EP400: variants seen among roughly 807,000 people sequenced by gnomAD.
EP400 encodes the protein E1A-binding protein p400.
A neutral mutation model predicts 354.1 loss-of-function variants in EP400; 105 were observed. The observed-to-expected ratio is 0.30, with a 90% CI of 0.25 to 0.35. The LOEUF is 0.35. EP400 is among the 10% of genes least tolerant of loss of function. EP400 has a pLI of 1.00. For missense variants in EP400, 3,280 were observed against 4,121.0 expected, an observed-to-expected ratio of 0.80 and a Z score of 5.59; for synonymous variants, 1,646 against 1,716.9, an observed-to-expected ratio of 0.96 and a Z score of 1.02.
Position 132,013,550 on chromosome 12 carries a change from C to T in EP400, c.3672C>T (p.Thr1224=). The T allele has an allele frequency of 6.2e-7, 1 of 1,612,216 alleles. No individual in the cohort carries two copies. Among genetic ancestry groups the T allele is most frequent in the Non-Finnish European group, 8.5e-7 (1 of 1,179,196 alleles). Residue 1224 remains threonine, a synonymous_variant, in exon 18 of 53, where the codon ACC becomes ACT. Transcript: ENST00000389561. This position sits in a 1 kb window ranked among gnomAD's most constrained non-coding sequence, Gnocchi z 4.5. Reference sequence around the variant, plus strand: ...ACAATACCTTCCTGGAGCTCTGGACCATGGTGCACTTCCTGGTCCCAGGGA... The same window carrying T: ...ACAATACCTTCCTGGAGCTCTGGACTATGGTGCACTTCCTGGTCCCAGGGA... ...PLHNTFLELW[T]MVHFLVPGIS...
intron 19 of EP400, among the ~76,000 whole-genome samples, chr12:132,016,909 C>T (rs1893957641): frequency 6.6e-6 from 1 of 152,182 alleles, no homozygotes; most frequent in African/African-American, 2.4e-5. Flanking sequence ...CCATCTCCTT[C>T]CTGAGTCTCT....
rs375101558 is a variant in EP400 at position 132,044,794 on chromosome 12, A to T, written c.6631-6A>T. 4 of 1,613,852 alleles carry T rather than the reference A, an allele frequency of 2.5e-6. No individual in the cohort carries two copies. Among genetic ancestry groups the T allele is most frequent in the Non-Finnish European group, 3.4e-6 (4 of 1,179,976 alleles). On this transcript the variant is annotated splice_polypyrimidine_tract_variant and splice_region_variant and intron_variant, in intron 36 of 52. Transcript: ENST00000389561. ...ACATCTCATGGGCCTTCCCTTCTCC[A>T]TGCAGCTCTGGACCCCACCCACCCC...
At chr12:132,040,997 G>T (rs1395670448) in intron 32 of EP400, among the ~76,000 whole-genome samples, 1 of 152,210 alleles carries the variant, frequency 6.6e-6, no homozygotes, top group Non-Finnish European at 1.5e-5. Flanking sequence ...GGGGACATGT[G>T]GGGGCAGCAG....
At position 132,024,358 on chromosome 12, in the gene EP400, C is replaced by G. The variant is rs118007785; in HGVS notation, c.4855+417C>G. On this transcript the variant is annotated intron_variant, in intron 24 of 52. Coordinates refer to ENST00000389561, the MANE Select transcript of EP400 (RefSeq NM_015409.5). ...ACTGCACTCCAGCCTGGGTCACAGACTGAGACCCCATCTCTAAGTAATAGA... is the reference window on the plus strand; with the variant it reads ...ACTGCACTCCAGCCTGGGTCACAGAGTGAGACCCCATCTCTAAGTAATAGA... 7.1e-3 allele frequency among the ~76,000 whole-genome samples: 1,083 copies of G among 152,272 alleles called. 35 individuals carry two copies. The South Asian group carries it at 0.094, about 13-fold the overall frequency.
intron 2 of EP400, among the ~76,000 whole-genome samples, chr12:131,969,045 C>CTT (rs111450529): frequency 2.4e-4 from 34 of 142,182 alleles, no homozygotes; most frequent in Admixed American, 4.2e-4. Context: ...CTTTACTTTT[C>CTT]TTTTTTTTTT....
intron 2 of EP400, among the ~76,000 whole-genome samples, chr12:131,964,756 T>G (rs957677217): frequency 1.3e-5 from 2 of 152,236 alleles, no homozygotes; most frequent in Admixed American, 1.3e-4. Flanking sequence ...CTGTAAATAC[T>G]TCAGCATGTA....
At chr12:132,014,040 G>C in intron 19 of EP400, 127 bp downstream of exon 19, 1 of 1,296,116 alleles carries the variant, frequency 7.7e-7, no homozygotes, top group East Asian at 2.3e-5. Context: ...GGAGACCGAG[G>C]CACCCTCCTG....
chr12:132,059,382 G>C (rs1157857122), intron 45 of EP400, among the ~76,000 whole-genome samples: 1 of 152,076 alleles, frequency 6.6e-6, no homozygotes, highest in Admixed American at 6.5e-5. Context: ...CGGCCCCCGA[G>C]AGGTTGAAAC....
intron 15 of EP400, among the ~76,000 whole-genome samples, chr12:132,008,648 T>G (rs1422007919): frequency 6.6e-6 from 1 of 151,600 alleles, no homozygotes; most frequent in Non-Finnish European, 1.5e-5. Context: ...TGGTGCACCC[T>G]TGGCTCACTG....
In EP400 at chr12:132,043,385, C is replaced by T. The variant is rs776121231; in HGVS notation, c.6289C>T (p.Leu2097=). ...EGVLGPHTDA[L]SSDSENMPCD... Reference sequence around the variant, plus strand: ...GGTGCTGGGACCACACACTGATGCTCTGTCATCAGACTCTGAGAACATGCC... The same window carrying T: ...GGTGCTGGGACCACACACTGATGCTTTGTCATCAGACTCTGAGAACATGCC... The change falls in exon 33 of 53, where the codon CTG becomes TTG. Residue 2097 remains leucine (L), a synonymous_variant. Coordinates refer to ENST00000389561, the MANE Select transcript of EP400 (RefSeq NM_015409.5). 4 of 1,613,938 alleles carry T rather than the reference C, an allele frequency of 2.5e-6. No homozygotes were observed. In the African/African-American group the frequency reaches 4.0e-5, roughly 16 times the overall value.
intron 2 of EP400, among the ~76,000 whole-genome samples, chr12:131,965,003 C>T (rs1892029783): frequency 6.6e-6 from 1 of 152,198 alleles, no homozygotes; most frequent in Non-Finnish European, 1.5e-5. Context: ...TTGGCCTGGG[C>T]CTGGGCGTTA....
At position 132,043,319 on chromosome 12, in the gene EP400, G is replaced by C; in HGVS notation, c.6223G>C (p.Glu2075Gln). 1 of 1,612,392 alleles carries C rather than the reference G, an allele frequency of 6.2e-7. No homozygotes were observed. Among genetic ancestry groups the C allele is most frequent in the Non-Finnish European group, 8.5e-7 (1 of 1,179,580 alleles). The change falls in exon 33 of 53, where the codon GAG becomes CAG. Residue 2075 changes from glutamate to glutamine, a missense_variant. Around this residue, in one of 20 missense-constraint regions of EP400, gnomAD observed 60 missense variants for 109.9 expected, o/e 0.55. Transcript: ENST00000389561. ...CTTTCCTCAGGCCCTCAAGAGTATT[G>C]AGTATCTGGAGGAGGATGCCCAGAA... ...RPFIEALKSI[E>Q]YLEEDAQKSA...
chr12:132,064,091 C>T (rs1332300054), intron 47 of EP400, among the ~76,000 whole-genome samples: 1 of 150,058 alleles, frequency 6.7e-6, no homozygotes, highest in Non-Finnish European at 1.5e-5. Context: ...TGATGACCCC[C>T]CGGCCTACAG....
chr12:131,957,677 C>T (rs746188790), intron 1 of EP400, among the ~76,000 whole-genome samples: 19 of 151,986 alleles, frequency 1.3e-4, no homozygotes, highest in Middle Eastern at 3.2e-3. Flanking sequence ...CTCACTGCAA[C>T]CTCCGCCTCT....
At chr12:132,033,787 C>A (rs747511320) in intron 30 of EP400, among the ~76,000 whole-genome samples, 6 of 152,240 alleles carry the variant, frequency 3.9e-5, no homozygotes, top group Non-Finnish European at 8.8e-5. Flanking sequence ...CCGCCTCAGC[C>A]TCCCAAAATG....
rs891339422 is a variant in EP400, at chr12:131,994,215, G to A, written c.2738-652G>A. Among the ~76,000 whole-genome samples, 18 of 152,110 alleles carry A rather than the reference G, an allele frequency of 1.2e-4. No homozygotes were observed. ...TGAAGAAATGAGGAAGAGTTTTGAT[G>A]GTAGGAAGGGAGAGATGTTATGTTA... On this transcript the variant is annotated intron_variant, in intron 11 of 52. Coordinates refer to ENST00000389561, the MANE Select transcript of EP400 (RefSeq NM_015409.5). This position sits in a 1 kb window ranked among gnomAD's most constrained non-coding sequence, Gnocchi z 4.6.
chr12:131,992,207 G>T lies in EP400; in HGVS notation c.2714G>T (p.Ser905Ile). Residue 905 changes from serine to isoleucine, a missense_variant, in exon 11 of 53, where the codon AGC (serine) becomes ATC (isoleucine). By Grantham distance (142) the Ser-to-Ile change is moderately radical. Transcript: ENST00000389561. ...SGMSGRKRKA[S>I]ISLTDDEVDD... ...ATGTCTGGAAGAAAAAGAAAAGCTA[G>T]CATATCTTTGACTGATGACGAAGGT... is the stretch of plus-strand genomic sequence containing the variant. 6.2e-7 allele frequency: 1 copy of T among 1,610,322 alleles called. No homozygotes were observed.
intron 1 of EP400, among the ~76,000 whole-genome samples, chr12:131,952,480 G>A (rs1207597990): frequency 6.6e-6 from 1 of 151,844 alleles, no homozygotes; most frequent in African/African-American, 2.4e-5. Context: ...TTTTTGTTGT[G>A]GAGACAGGGT....
At chr12:132,020,017 G>C in intron 21 of EP400, 32 bp from the exon 22 acceptor site, 1 of 1,490,372 alleles carries the variant, frequency 6.7e-7, no homozygotes, top group Non-Finnish European at 8.9e-7. Flanking sequence ...CTGATGCTCT[G>C]TATCTTCTTG....
Sources: allele counts gnomAD v4.1 joint callset (sites outside exome capture counted in the v4.1 genomes callset), GRCh38; gene constraint gnomAD v4.1.1; regional missense constraint gnomAD v4.1.1; non-coding constraint Gnocchi (gnomAD v3.1); transcripts MANE v1.5; gene names NCBI Gene and HGNC (gene_info 2026-07-23, HGNC 2026-07-21).